The following PDE2A variants were observed in gnomAD, a reference collection of about 807,000 sequenced individuals.
PDE2A encodes phosphodiesterase 2A.
A neutral mutation model predicts 133.6 loss-of-function variants in PDE2A; 53 were observed. The ratio of observed to expected loss-of-function variants is 0.40; its 90% CI spans 0.32 to 0.50. The LOEUF (loss-of-function observed/expected upper bound fraction) is 0.50, where lower values mean the gene tolerates loss of function less well. Ranked by LOEUF, PDE2A falls within the 20% of genes least tolerant of loss-of-function variation. The pLI is 0.73. For missense variants in PDE2A, 796 were observed against 1,232.4 expected, an observed-to-expected ratio of 0.65 and a Z score of 5.30; for synonymous variants, 491 against 490.2, an observed-to-expected ratio of 1.00 and a Z score of -0.02.
chr11:72,589,295 C>G, intron 11 of PDE2A, 55 bp from the exon 12 acceptor site: 1 of 1,298,236 alleles, frequency 7.7e-7, no homozygotes, highest in Non-Finnish European at 1.1e-6. Flanking sequence ...GTCAGGGGAT[C>G]TCAACCTGTC....
chr11:72,613,435 C>A (rs187567934), intron 2 of PDE2A, among the ~76,000 whole-genome samples: 4 of 151,846 alleles, frequency 2.6e-5, no homozygotes, highest in Non-Finnish European at 5.9e-5. Flanking sequence ...CCCAGGACCT[C>A]GGAGCCCTCT....
At chr11:72,606,942 T>A (rs1856994206) in intron 3 of PDE2A, among the ~76,000 whole-genome samples, 1 of 152,140 alleles carries the variant, frequency 6.6e-6, no homozygotes, top group Admixed American at 6.5e-5. Context: ...ATCAGCACCA[T>A]CTGCATTCGG....
At position 72,590,779 on chromosome 11, in the gene PDE2A, C is replaced by A. The variant is rs1049483570; in HGVS notation, c.550-199G>T. ...CTCCCACAGCCCCTGGAGCGTCCGG[C>A]GGTCCAGGAACAGGAGGGTACAGGG... On this transcript the variant is annotated intron_variant, in intron 7 of 30. Coordinates refer to ENST00000334456, the MANE Select transcript of PDE2A (RefSeq NM_002599.5). The surrounding 1 kb of genome is among the most constrained non-coding windows in gnomAD (Gnocchi z 4.8). 2.0e-5 allele frequency among the ~76,000 whole-genome samples: 3 copies of A among 152,188 alleles called. No individual in the cohort carries two copies. The highest frequency in any genetic ancestry group is 7.2e-5 in the African/African-American group (3 of 41,444).
intron 2 of PDE2A, among the ~76,000 whole-genome samples, chr11:72,615,876 G>A (rs1857446816): frequency 6.6e-6 from 1 of 152,178 alleles, no homozygotes; most frequent in South Asian, 2.1e-4. Context: ...CAGGATGGAT[G>A]AGGGGGCTCC....
At chr11:72,600,699 A>G (rs1229081316) in intron 4 of PDE2A, among the ~76,000 whole-genome samples, 1 of 151,884 alleles carries the variant, frequency 6.6e-6, no homozygotes, top group African/African-American at 2.4e-5. Context: ...CTCCCTTACT[A>G]CTACCCCACC....
chr11:72,585,453 C>G lies in PDE2A; in HGVS notation c.1223-19G>C, dbSNP rs953445306. On this transcript the variant is annotated intron_variant, in intron 15 of 30. Coordinates refer to ENST00000334456, the MANE Select transcript of PDE2A (RefSeq NM_002599.5). The stretch of plus-strand genomic sequence containing the variant: ...ACGTCATCTGGGGAAGGGAGAAGAC[C>G]AGGCAGGGTGAGACCAGGCTGCCAA... 3.1e-6 allele frequency: 5 copies of G among 1,613,772 alleles called. No homozygotes were observed. Among genetic ancestry groups the G allele is most frequent in the South Asian group, 1.1e-5 (1 of 91,068 alleles).
In PDE2A at chr11:72,619,764, C is replaced by G. The variant is rs568599978; in HGVS notation, c.145-11013G>C. Among the ~76,000 whole-genome samples, 14 of 152,270 alleles carry G rather than the reference C, an allele frequency of 9.2e-5. No individual in the cohort carries two copies. In the South Asian group the frequency reaches 2.9e-3, roughly 32 times the overall value. Reference sequence around the variant, plus strand: ...GGGTCTAATTCTCCTCCTCTGCGCACCCCTGTCACTTCTCCCATCGCCTCC... The same window carrying G: ...GGGTCTAATTCTCCTCCTCTGCGCAGCCCTGTCACTTCTCCCATCGCCTCC... On this transcript the variant is annotated intron_variant, in intron 2 of 30. Coordinates refer to ENST00000334456, the MANE Select transcript of PDE2A (RefSeq NM_002599.5).
intron 4 of PDE2A, among the ~76,000 whole-genome samples, chr11:72,602,700 G>A (rs1293207654): frequency 6.6e-6 from 1 of 152,222 alleles, no homozygotes; most frequent in East Asian, 1.9e-4. Flanking sequence ...AGCTCCTACT[G>A]TGTGCTGGGC....
At chr11:72,589,003 T>A (rs1352109711) in intron 12 of PDE2A, 89 bp from the exon 13 acceptor site, 10 of 1,409,740 alleles carry the variant, frequency 7.1e-6, no homozygotes, top group Non-Finnish European at 9.8e-6. Flanking sequence ...AACAGGCAGT[T>A]CTAAGGGACT....
intron 27 of PDE2A, 29 bp from the exon 28 acceptor site, chr11:72,579,038 C>T (rs188742021): frequency 1.3e-5 from 20 of 1,492,314 alleles, no homozygotes; most frequent in East Asian, 2.3e-5. Context: ...GGTCAAGGAG[C>T]GGGGCCCAGC....
rs371345199 is a variant in PDE2A at position 72,652,702 on chromosome 11, C to T, written c.72-10376G>A. 4.6e-5 allele frequency: 21 copies of T among 456,168 alleles called. No homozygotes were observed. The East Asian group carries it at 1.3e-3, about 29-fold the overall frequency. The allele number at this position is 456,168 out of a possible 1,614,324, so 28.3% of individuals were successfully genotyped here. ...AGTTGATGAAACTGAGGCCCTGGGACCTGAGGTCATTCGTCCAAAGTCATG... is the reference window on the plus strand; with the variant it reads ...AGTTGATGAAACTGAGGCCCTGGGATCTGAGGTCATTCGTCCAAAGTCATG... On this transcript the variant is annotated intron_variant, in intron 1 of 30. Transcript: ENST00000334456.
intron 4 of PDE2A, among the ~76,000 whole-genome samples, chr11:72,601,634 G>C (rs1311921804): frequency 6.6e-6 from 1 of 152,152 alleles, no homozygotes; most frequent in Non-Finnish European, 1.5e-5. Context: ...GCTGCACTCA[G>C]CATCAGGTAA....
intron 3 of PDE2A, among the ~76,000 whole-genome samples, chr11:72,607,757 T>C (rs1857037146): frequency 6.6e-6 from 1 of 152,078 alleles, no homozygotes; most frequent in Non-Finnish European, 1.5e-5. Context: ...GAGTTGGCCA[T>C]ATTTCCTGGA....
chr11:72,597,502 G>T lies in PDE2A; in HGVS notation c.433+8C>A. The stretch of plus-strand genomic sequence containing the variant: ...TGCCCCTGCCCCTGCCCAGCCCCTA[G>T]CCCTTACCTTGGGTATCAGGAGCCA... On this transcript the variant is annotated splice_region_variant and intron_variant, in intron 5 of 30. Coordinates refer to ENST00000334456, the MANE Select transcript of PDE2A (RefSeq NM_002599.5). The surrounding 1 kb of genome is among the most constrained non-coding windows in gnomAD (Gnocchi z 4.6). 4.5e-6 allele frequency: 7 copies of T among 1,542,146 alleles called. No homozygotes were observed. Among genetic ancestry groups the T allele is most frequent in the Non-Finnish European group, 6.2e-6 (7 of 1,124,226 alleles).
At chr11:72,638,075 T>C (rs1858781560) in intron 2 of PDE2A, among the ~76,000 whole-genome samples, 1 of 152,048 alleles carries the variant, frequency 6.6e-6, no homozygotes, top group Non-Finnish European at 1.5e-5. Flanking sequence ...AATAATCGTT[T>C]ACCCGCCGCA....
chr11:72,667,046 C>T (rs538890307), intron 1 of PDE2A, among the ~76,000 whole-genome samples: 183 of 152,190 alleles, frequency 1.2e-3, no homozygotes, highest in Non-Finnish European at 2.3e-3. Flanking sequence ...GCGGAGGTTG[C>T]GGTGAGCCGA....
intron 7 of PDE2A, chr11:72,591,064 G>A: frequency 1.9e-6 from 1 of 521,504 alleles, no homozygotes; most frequent in Admixed American, 3.4e-5. Flanking sequence ...CAAGATATTT[G>A]ACCAGTTTTG....
intron 2 of PDE2A, among the ~76,000 whole-genome samples, chr11:72,617,397 G>A (rs377457866): frequency 1.4e-3 from 210 of 152,236 alleles, no homozygotes; most frequent in African/African-American, 4.9e-3. Flanking sequence ...CTGGCTGCCC[G>A]GTGATGCCTG....
intron 1 of PDE2A, chr11:72,652,707 G>C (rs1854775501): frequency 2.2e-6 from 1 of 456,178 alleles, no homozygotes; most frequent in Admixed American, 2.3e-5. Context: ...TGGGACCTGA[G>C]GTCATTCGTC....
Sources: allele counts gnomAD v4.1 joint callset (sites outside exome capture counted in the v4.1 genomes callset), GRCh38; gene constraint gnomAD v4.1.1; non-coding constraint Gnocchi (gnomAD v3.1); transcripts MANE v1.5; gene names NCBI Gene and HGNC (gene_info 2026-07-23, HGNC 2026-07-21).